The following SF3B2 variants were observed in gnomAD, a reference collection of about 807,000 sequenced individuals.
SF3B2 encodes splicing factor 3b subunit 2, also known as SAP 145.
In SF3B2, 22 loss-of-function variants were observed where a neutral mutation model predicts 116.3. The ratio of observed to expected loss-of-function variants is 0.19; its 90% confidence interval spans 0.14 to 0.27. SF3B2 has a LOEUF of 0.27. SF3B2 is among the 10% of genes least tolerant of loss of function. SF3B2 has a pLI of 1.00. For missense variants in SF3B2, 767 were observed against 1,151.4 expected, an observed-to-expected ratio of 0.67 and a Z score of 4.83; for synonymous variants, 406 against 421.6, an observed-to-expected ratio of 0.96 and a Z score of 0.45.
At position 66,055,206 on chromosome 11, in the gene SF3B2, C is replaced by CGGGGG; in HGVS notation, c.390_391insGGGGG (p.Pro131GlyfsTer19). The CGGGGG allele has an allele frequency of 6.2e-7, 1 of 1,613,114 alleles. No homozygotes were observed. The highest frequency in any genetic ancestry group is 8.5e-7 in the Non-Finnish European group (1 of 1,179,184). ...GCCCACCCACCAAATTTGGGGCCCC[C>CGGGGG]GCCTCCTCTCCGTGTGGGTGAGCCA... On this transcript the variant is annotated frameshift_variant, in exon 4 of 22. Coordinates refer to ENST00000322535, the MANE Select transcript of SF3B2 (RefSeq NM_006842.3). LOFTEE classifies it high-confidence loss of function.
At chr11:66,053,207 C>G in intron 3 of SF3B2, 103 bp downstream of exon 3, 1 of 1,074,492 alleles carries the variant, frequency 9.3e-7, no homozygotes, top group Non-Finnish European at 1.4e-6. Context: ...ATGTGACACC[C>G]TTGCACATTA....
chr11:66,053,078 G>T lies in SF3B2; in HGVS notation c.232G>T (p.Ala78Ser). Reference sequence around the variant, plus strand: ...TTTGAGAGGGGAAGATGGGGACAAAGCCGCTCCACCTCCCATGTCGGCACA... The same window carrying T: ...TTTGAGAGGGGAAGATGGGGACAAATCCGCTCCACCTCCCATGTCGGCACA... ...PVLRGEDGDKAAPPPMSAQLP... is the reference protein window; with the variant it reads ...PVLRGEDGDKSAPPPMSAQLP... Residue 78 changes from alanine to serine, a missense_variant, in exon 3 of 22, where the codon GCC (alanine) becomes TCC (serine). Ala to Ser is a moderately conservative substitution (Grantham distance 99, BLOSUM62 1). Coordinates refer to ENST00000322535, the MANE Select transcript of SF3B2 (RefSeq NM_006842.3). The T allele has an allele frequency of 6.2e-7, 1 of 1,614,106 alleles. No individual in the cohort carries two copies. Among genetic ancestry groups the T allele is most frequent in the East Asian group, 2.2e-5 (1 of 44,874 alleles).
chr11:66,058,771 TG>T, intron 9 of SF3B2, 58 bp from the exon 10 acceptor site: 1 of 1,423,450 alleles, frequency 7.0e-7, no homozygotes, highest in Non-Finnish European at 9.7e-7. Flanking sequence ...GTTTAGGGGT[TG>T]GGGTGCTGGC....
At chr11:66,066,313 T>C (rs953605168) in intron 19 of SF3B2, 2 of 152,154 alleles carry the variant, frequency 1.3e-5, no homozygotes, top group Admixed American at 6.5e-5. Flanking sequence ...TTTTTTTCTT[T>C]TCCTTTCTTT....
Position 66,061,645 on chromosome 11 carries a change from T to C in SF3B2, c.1780-41T>C, listed in dbSNP as rs1338274995. 2.8e-6 allele frequency: 4 copies of C among 1,454,056 alleles called. No homozygotes were observed. The East Asian group carries it at 9.1e-5, about 33-fold the overall frequency. 90.1% of individuals were successfully genotyped at this position (1,454,056 alleles called of 1,614,324 possible). A position where few individuals can be genotyped will look rare whatever the true frequency, so the allele number is the denominator to read the frequency against. ...GCGTTAGGATTGTGCTCCCACTGAG[T>C]GTCTGGGTCTACAATGTAGCATGCT... is the stretch of plus-strand genomic sequence containing the variant. On this transcript the variant is annotated intron_variant, in intron 14 of 21. Coordinates refer to ENST00000322535, the MANE Select transcript of SF3B2 (RefSeq NM_006842.3).
intron 7 of SF3B2, 110 bp from the exon 8 acceptor site, chr11:66,057,944 C>T (rs1341544494): frequency 8.5e-6 from 7 of 827,888 alleles, no homozygotes; most frequent in Middle Eastern, 3.6e-4. Context: ...TGCACTCCAG[C>T]CTGGGCAACA....
chr11:66,055,902 T>C (rs1311059249), intron 5 of SF3B2: 2 of 334,884 alleles, frequency 6.0e-6, no homozygotes, highest in Non-Finnish European at 1.1e-5. Flanking sequence ...TCTGACCTAT[T>C]ATAAAAAGAG....
At chr11:66,053,164 C>T in intron 3 of SF3B2, 60 bp downstream of exon 3, 2 of 1,483,020 alleles carry the variant, frequency 1.3e-6, no homozygotes, top group East Asian at 2.3e-5. Context: ...AGTTCATGAG[C>T]ATGATGATTG....
At chr11:66,052,820 A>T in intron 2 of SF3B2, 101 bp downstream of exon 2, 1 of 1,376,984 alleles carries the variant, frequency 7.3e-7, no homozygotes, top group Non-Finnish European at 1.0e-6. Flanking sequence ...ATCTCGGCAC[A>T]GCAAGGCGGA....
Position 66,059,310 on chromosome 11 carries a change from G to C in SF3B2, c.1292G>C (p.Ser431Thr). The change falls in exon 11 of 22, where the codon AGT (serine) becomes ACT (threonine). Residue 431 changes from serine to threonine, a missense_variant. Ser to Thr is a moderately conservative substitution (Grantham distance 58). This residue lies in a region of SF3B2 where 282 missense variants were observed against 568.0 expected (regional missense o/e 0.50). Coordinates refer to ENST00000322535, the MANE Select transcript of SF3B2 (RefSeq NM_006842.3). This position sits in a 1 kb window ranked among gnomAD's most constrained non-coding sequence, Gnocchi z 5.0. ...GGATTTGAAGAGGAGCACAAGGACAGTGATGATGACAGCAGTGATGACGAG... is the reference window on the plus strand; with the variant it reads ...GGATTTGAAGAGGAGCACAAGGACACTGATGATGACAGCAGTGATGACGAG... The part of the protein sequence containing the change: ...KKGFEEEHKD[S>T]DDDSSDDEQE... 4 of 1,614,054 alleles carry C rather than the reference G, an allele frequency of 2.5e-6. No individual in the cohort carries two copies. The highest frequency in any genetic ancestry group is 3.4e-6 in the Non-Finnish European group (4 of 1,179,984).
chr11:66,063,417 A>G lies in SF3B2; in HGVS notation c.2103A>G (p.Glu701=). The change falls in exon 18 of 22, where the codon GAA becomes GAG. Residue 701 remains glutamate (E), a synonymous_variant. Transcript: ENST00000322535. ...TCTTTCAGACCAAGACTGAGGAAGA[A>G]GAGATTGATCGGACCCCTTGGGGGG... ...AAEFQTKTEE[E]EIDRTPWGEL... 1.2e-6 allele frequency: 2 copies of G among 1,613,446 alleles called. No homozygotes were observed. The highest frequency in any genetic ancestry group is 1.7e-6 in the Non-Finnish European group (2 of 1,179,684).
intron 19 of SF3B2, chr11:66,066,640 G>A (rs1857191725): frequency 6.6e-6 from 1 of 152,350 alleles, no homozygotes; most frequent in Middle Eastern, 3.4e-3. Flanking sequence ...TGAGGCACAA[G>A]TACCTGTGTA....
rs1042122394 is a variant in SF3B2 at position 66,059,877 on chromosome 11, T to G, written c.1497T>G (p.Pro499=). ...TCAAGGCCACTCGGAACTCTGTGCCTGTGCCACGCCACTGGTGTTTTAAGC... is the reference window on the plus strand; with the variant it reads ...TCAAGGCCACTCGGAACTCTGTGCCGGTGCCACGCCACTGGTGTTTTAAGC... ...VHLKATRNSV[P]VPRHWCFKRK... The change falls in exon 13 of 22, where the codon CCT becomes CCG. Residue 499 remains proline (P), a synonymous_variant. Transcript: ENST00000322535. This position sits in a 1 kb window ranked among gnomAD's most constrained non-coding sequence, Gnocchi z 5.0. 1 of 1,614,244 alleles carries G rather than the reference T, an allele frequency of 6.2e-7. No individual in the cohort carries two copies. The highest frequency in any genetic ancestry group is 1.7e-5 in the Admixed American group (1 of 60,028).
At chr11:66,056,190 T>G (rs1856990560) in intron 5 of SF3B2, among the ~76,000 whole-genome samples, 1 of 152,084 alleles carries the variant, frequency 6.6e-6, no homozygotes. Context: ...TCGCTTGAGC[T>G]CAGGAGTTCG....
At chr11:66,067,906 G>T (rs1244734372) in intron 19 of SF3B2, 40 bp from the exon 20 acceptor site, 1 of 1,561,908 alleles carries the variant, frequency 6.4e-7, no homozygotes, top group Admixed American at 1.7e-5. Context: ...AGACCCTTTT[G>T]TCCCTTGCTT....
intron 19 of SF3B2, chr11:66,065,746 C>T (rs561938537): frequency 1.2e-4 from 18 of 152,170 alleles, no homozygotes; most frequent in East Asian, 1.9e-4. Flanking sequence ...AATTTCTGAT[C>T]TAACAGTAAT....
At chr11:66,054,928 AGAGCTGTG>A in intron 3 of SF3B2, 140 bp from the exon 4 acceptor site, 1 of 694,144 alleles carries the variant, frequency 1.4e-6, no homozygotes, top group Non-Finnish European at 2.3e-6. Context: ...ATATCTTTAT[AGAGCTGTG>A]GAGCATTCTC....
intron 21 of SF3B2, 159 bp from the exon 22 acceptor site, chr11:66,068,515 G>T: frequency 1.2e-6 from 1 of 845,444 alleles, no homozygotes; most frequent in Non-Finnish European, 1.8e-6. Context: ...GACGATGAGG[G>T]GGAGGAACTC....
intron 5 of SF3B2, chr11:66,055,898 C>A: frequency 2.9e-6 from 1 of 346,868 alleles, no homozygotes; most frequent in Non-Finnish European, 5.2e-6. Flanking sequence ...ACCTTCTGAC[C>A]TATTATAAAA....
Sources: allele counts gnomAD v4.1 joint callset (sites outside exome capture counted in the v4.1 genomes callset), GRCh38; gene constraint gnomAD v4.1.1; regional missense constraint gnomAD v4.1.1; non-coding constraint Gnocchi (gnomAD v3.1); transcripts MANE v1.5; gene names NCBI Gene and HGNC (gene_info 2026-07-23, HGNC 2026-07-21).